HS6ST3: variants seen among roughly 807,000 people sequenced by gnomAD.
HS6ST3 encodes heparan sulfate 6-O-sulfotransferase 3.
Under a neutral mutation model 36.7 loss-of-function variants are expected in HS6ST3, and 12 were observed. The ratio of observed to expected loss-of-function variants is 0.33; its 90% CI spans 0.21 to 0.53. The LOEUF (loss-of-function observed/expected upper bound fraction) is 0.53. Among genes scored for constraint, HS6ST3 ranks in the 20% least tolerant of loss-of-function variants. The pLI, the probability that HS6ST3 is intolerant of heterozygous loss-of-function variation, is 0.95. For synonymous variants in HS6ST3, 240 were observed against 257.5 expected, an observed-to-expected ratio of 0.93 and a Z score of 0.65; for missense variants, 584 against 640.9, an observed-to-expected ratio of 0.91 and a Z score of 0.96.
intron 1 of HS6ST3, among the ~76,000 whole-genome samples, chr13:96,148,028 A>C (rs2054066484): frequency 6.6e-6 from 1 of 152,338 alleles, no homozygotes; most frequent in Admixed American, 6.5e-5. Flanking sequence ...CTGATGACCC[A>C]AAAATTGGGT....
chr13:96,484,440 A>G (rs191906392), intron 1 of HS6ST3, among the ~76,000 whole-genome samples: 61 of 152,278 alleles, frequency 4.0e-4, no homozygotes, highest in African/African-American at 1.3e-3. Context: ...TATGCAGTAC[A>G]TTAGATCACC....
At chr13:96,135,206 G>C (rs2053995219) in intron 1 of HS6ST3, among the ~76,000 whole-genome samples, 1 of 152,170 alleles carries the variant, frequency 6.6e-6, no homozygotes, top group Non-Finnish European at 1.5e-5. Context: ...AGGTTTATGG[G>C]AGACTGCTGG....
intron 1 of HS6ST3, among the ~76,000 whole-genome samples, chr13:96,186,465 A>G (rs967105645): frequency 5.3e-5 from 8 of 152,168 alleles, no homozygotes; most frequent in Middle Eastern, 3.2e-3. Flanking sequence ...CTGACTTTAC[A>G]TTATTATGCA....
At chr13:96,353,791 A>G (rs545606706) in intron 1 of HS6ST3, among the ~76,000 whole-genome samples, 1 of 152,222 alleles carries the variant, frequency 6.6e-6, no homozygotes, top group African/African-American at 2.4e-5. Context: ...GACAAATTAT[A>G]AAGAGGTAGC....
chr13:96,518,929 T>C (rs2056083027), intron 1 of HS6ST3, among the ~76,000 whole-genome samples: 1 of 152,210 alleles, frequency 6.6e-6, no homozygotes, highest in South Asian at 2.1e-4. Flanking sequence ...ACTACAGGTT[T>C]CTATTTTCTA....
intron 1 of HS6ST3, among the ~76,000 whole-genome samples, chr13:96,406,733 G>T (rs2055480406): frequency 2.0e-5 from 3 of 152,134 alleles, no homozygotes; most frequent in African/African-American, 7.2e-5. Flanking sequence ...AAATAGGGGT[G>T]GGGAGAATGC....
At chr13:96,707,832 G>C (rs1232231835) in intron 1 of HS6ST3, among the ~76,000 whole-genome samples, 1 of 152,174 alleles carries the variant, frequency 6.6e-6, no homozygotes, top group African/African-American at 2.4e-5. Flanking sequence ...TTTCCATAGA[G>C]AGCCAGGCTT....
At chr13:96,817,174 T>TG (rs1284503214) in intron 1 of HS6ST3, among the ~76,000 whole-genome samples, 1 of 151,728 alleles carries the variant, frequency 6.6e-6, no homozygotes, top group Non-Finnish European at 1.5e-5. Flanking sequence ...CATGGCTGTT[T>TG]GGGGGGTGCA....
At chr13:96,497,540 A>G (rs1259345509) in intron 1 of HS6ST3, among the ~76,000 whole-genome samples, 1 of 152,206 alleles carries the variant, frequency 6.6e-6, no homozygotes, top group Non-Finnish European at 1.5e-5. Context: ...TGGAGTAGAC[A>G]GATGCAGCAG....
At chr13:96,161,619 T>A (rs1259210829) in intron 1 of HS6ST3, among the ~76,000 whole-genome samples, 1 of 152,198 alleles carries the variant, frequency 6.6e-6, no homozygotes, top group African/African-American at 2.4e-5. Context: ...AGTGTGCAGA[T>A]GAGCTATGTT....
intron 1 of HS6ST3, among the ~76,000 whole-genome samples, chr13:96,369,731 G>A (rs921167636): frequency 1.3e-5 from 2 of 152,182 alleles, no homozygotes; most frequent in African/African-American, 4.8e-5. Flanking sequence ...AAGTGGAGCA[G>A]AAGGTATAAA....
chr13:96,331,469 G>A (rs1283086304), intron 1 of HS6ST3, among the ~76,000 whole-genome samples: 2 of 152,240 alleles, frequency 1.3e-5, no homozygotes, highest in East Asian at 3.9e-4. Context: ...CCTGCCGGGG[G>A]GATGCCTCCC....
rs190335898 is a variant in HS6ST3 at position 96,783,407 on chromosome 13, G to A, written c.708-49083G>A. 8.7e-4 allele frequency among the ~76,000 whole-genome samples: 133 copies of A among 152,108 alleles called. 1 individual carries two copies. The Middle Eastern group carries it at 0.01, about 12-fold the overall frequency. ...TCCAGTGTTTTAGTGTTTCATAACC[G>A]CAGAAATCTCTGCTACTTCCTTACC... On this transcript the variant is annotated intron_variant, in intron 1 of 1. Transcript: ENST00000376705.
intron 1 of HS6ST3, among the ~76,000 whole-genome samples, chr13:96,206,615 A>AGACCAATG (rs1238398128): frequency 6.6e-6 from 1 of 152,242 alleles, no homozygotes; most frequent in African/African-American, 2.4e-5. Context: ...ACAGACACAC[A>AGACCAATG]GACCAATGGA....
chr13:96,482,194 C>T (rs937401312), intron 1 of HS6ST3, among the ~76,000 whole-genome samples: 2 of 152,150 alleles, frequency 1.3e-5, no homozygotes, highest in African/African-American at 2.4e-5. Context: ...CCTGTTTCTA[C>T]ACCAGCAATG....
At chr13:96,131,232 G>A (rs1419961563) in intron 1 of HS6ST3, among the ~76,000 whole-genome samples, 2 of 152,088 alleles carry the variant, frequency 1.3e-5, no homozygotes, top group African/African-American at 4.8e-5. Context: ...CTACATGTAA[G>A]AGAAGAGTAT....
chr13:96,494,775 A>T (rs1036218091), intron 1 of HS6ST3, among the ~76,000 whole-genome samples: 1 of 152,116 alleles, frequency 6.6e-6, no homozygotes, highest in African/African-American at 2.4e-5. Context: ...TTAGTGTGGG[A>T]TATTAATAAA....
intron 1 of HS6ST3, among the ~76,000 whole-genome samples, chr13:96,796,954 T>C (rs1319595964): frequency 6.6e-6 from 1 of 152,070 alleles, no homozygotes; most frequent in African/African-American, 2.4e-5. Context: ...ATCTGAGGAC[T>C]CTGACTACCA....
At chr13:96,442,214 A>G (rs1354271145) in intron 1 of HS6ST3, among the ~76,000 whole-genome samples, 1 of 152,114 alleles carries the variant, frequency 6.6e-6, no homozygotes, top group Admixed American at 6.5e-5. Flanking sequence ...GAGTTTCACC[A>G]TGTTGCCCAG....
Sources: gnomAD v4.1 joint callset for allele counts (sites outside exome capture counted in the v4.1 genomes callset) on GRCh38, gnomAD v4.1.1 for gene constraint, MANE v1.5 for transcripts, NCBI Gene and HGNC (gene_info 2026-07-23, HGNC 2026-07-21) for gene names.